MARCHF1: variants seen among roughly 807,000 people sequenced by gnomAD.
MARCHF1 encodes membrane associated ring-CH-type finger 1, also known as E3 ubiquitin-protein ligase MARCHF1.
Under a neutral mutation model 54.2 loss-of-function variants are expected in MARCHF1, and 40 were observed. That is an observed-to-expected ratio of 0.74 (90% CI 0.57 to 0.96). The LOEUF (loss-of-function observed/expected upper bound fraction) is 0.96. MARCHF1 is among the 40% of genes least tolerant of loss of function. MARCHF1 has a pLI of 0.00. For missense variants in MARCHF1, 586 were observed against 656.5 expected, an observed-to-expected ratio of 0.89 and a Z score of 1.17; for synonymous variants, 236 against 236.3, an observed-to-expected ratio of 1.00 and a Z score of 0.01.
intron 2 of MARCHF1, among the ~76,000 whole-genome samples, chr4:164,110,873 T>C (rs144258543): frequency 9.2e-5 from 14 of 151,936 alleles, no homozygotes; most frequent in Admixed American, 1.3e-4. Context: ...TTGCTTTATA[T>C]TGCGTTTCAG....
chr4:164,141,488 C>G (rs1339771283), intron 1 of MARCHF1, among the ~76,000 whole-genome samples: 1 of 152,216 alleles, frequency 6.6e-6, no homozygotes, highest in Non-Finnish European at 1.5e-5. Flanking sequence ...CATACCAAAT[C>G]AGGCTCCTAG....
chr4:163,997,936 AC>A (rs200348951), intron 2 of MARCHF1, among the ~76,000 whole-genome samples: 197 of 145,650 alleles, frequency 1.4e-3, no homozygotes, highest in Non-Finnish European at 2.1e-3. Flanking sequence ...ACACACACAC[AC>A]ACACACACAC....
chr4:163,543,423 T>C (rs769662810), intron 9 of MARCHF1, among the ~76,000 whole-genome samples: 10 of 151,268 alleles, frequency 6.6e-5, no homozygotes, highest in Non-Finnish European at 1.2e-4. Context: ...TACTAGATGT[T>C]AGTGGTGCCG....
intron 2 of MARCHF1, among the ~76,000 whole-genome samples, chr4:164,069,721 A>C (rs773099456): frequency 1.3e-4 from 20 of 152,200 alleles, no homozygotes; most frequent in Non-Finnish European, 2.2e-4. Flanking sequence ...TCTTGAAGTC[A>C]GTGAGACCAA....
At chr4:164,280,037 AT>A (rs1489195353) in intron 1 of MARCHF1, among the ~76,000 whole-genome samples, 1 of 151,780 alleles carries the variant, frequency 6.6e-6, no homozygotes, top group African/African-American at 2.4e-5. Flanking sequence ...AGAATTATAT[AT>A]TTTTTTCAAT....
intron 2 of MARCHF1, among the ~76,000 whole-genome samples, chr4:164,095,645 G>C (rs1164029211): frequency 1.3e-5 from 2 of 151,960 alleles, no homozygotes; most frequent in Non-Finnish European, 1.5e-5. Context: ...ATCTGTTACT[G>C]TAAAAAAGTA....
At chr4:164,252,365 G>A (rs1399763304) in intron 1 of MARCHF1, among the ~76,000 whole-genome samples, 1 of 151,768 alleles carries the variant, frequency 6.6e-6, no homozygotes, top group African/African-American at 2.4e-5. Flanking sequence ...AAAGCAAAAA[G>A]CAGAAAGAAA....
intron 5 of MARCHF1, among the ~76,000 whole-genome samples, chr4:163,679,757 C>A (rs1001934104): frequency 6.6e-6 from 1 of 151,904 alleles, no homozygotes; most frequent in Non-Finnish European, 1.5e-5. Context: ...GGACTACGGG[C>A]GCCCACCACC....
chr4:163,657,014 C>T (rs567861598), intron 5 of MARCHF1, among the ~76,000 whole-genome samples: 188 of 152,208 alleles, frequency 1.2e-3, no homozygotes, highest in African/African-American at 4.4e-3. Flanking sequence ...GATGCCCTCT[C>T]TCACCACTTC....
intron 4 of MARCHF1, among the ~76,000 whole-genome samples, chr4:163,776,117 T>C (rs1187629807): frequency 6.6e-6 from 1 of 152,164 alleles, no homozygotes; most frequent in Non-Finnish European, 1.5e-5. Context: ...TCAGACACTT[T>C]TCTGAACCCT....
At chr4:163,714,309 T>A (rs1034595208) in intron 4 of MARCHF1, among the ~76,000 whole-genome samples, 1 of 152,244 alleles carries the variant, frequency 6.6e-6, no homozygotes, top group African/African-American at 2.4e-5. Context: ...GTGTGTGCTA[T>A]ATAAATTGCT....
intron 2 of MARCHF1, among the ~76,000 whole-genome samples, chr4:164,051,653 T>A (rs868663625): frequency 4.6e-5 from 7 of 152,312 alleles, no homozygotes; most frequent in South Asian, 4.1e-4. Context: ...AGAAGGTAGG[T>A]AACTTTTCCA....
chr4:164,215,815 G>A (rs574450385), intron 1 of MARCHF1, among the ~76,000 whole-genome samples: 4 of 152,186 alleles, frequency 2.6e-5, no homozygotes, highest in Non-Finnish European at 5.9e-5. Context: ...CCAGTGATGA[G>A]TTGTGAAGGT....
At chr4:163,570,191 T>C (rs1278659003) in intron 8 of MARCHF1, among the ~76,000 whole-genome samples, 1 of 152,014 alleles carries the variant, frequency 6.6e-6, no homozygotes, top group Non-Finnish European at 1.5e-5. Context: ...GCCTGAGAAA[T>C]AGTGAGAAAT....
At chr4:163,951,803 G>T (rs1027153138) in intron 3 of MARCHF1, among the ~76,000 whole-genome samples, 5 of 152,120 alleles carry the variant, frequency 3.3e-5, no homozygotes, top group Admixed American at 3.3e-4. Context: ...CCTGGTTATA[G>T]CTTCTCAAAT....
At chr4:163,949,079 C>T (rs1752078973) in intron 3 of MARCHF1, among the ~76,000 whole-genome samples, 1 of 152,228 alleles carries the variant, frequency 6.6e-6, no homozygotes, top group Admixed American at 6.5e-5. Context: ...CCCACTTGGC[C>T]TGGCAGTCTG....
chr4:163,952,620 C>A (rs1462093750), intron 3 of MARCHF1, among the ~76,000 whole-genome samples: 2 of 152,148 alleles, frequency 1.3e-5, no homozygotes, highest in East Asian at 1.9e-4. Context: ...TACGATCCAG[C>A]CCAAATACTG....
At chr4:163,912,959 G>C (rs538822996) in intron 3 of MARCHF1, among the ~76,000 whole-genome samples, 2 of 152,264 alleles carry the variant, frequency 1.3e-5, no homozygotes, top group Admixed American at 1.3e-4. Flanking sequence ...ACATGTCACA[G>C]AAAGGCTCTT....
intron 4 of MARCHF1, among the ~76,000 whole-genome samples, chr4:163,837,845 C>A (rs1042546694): frequency 2.0e-5 from 3 of 151,994 alleles, no homozygotes; most frequent in African/African-American, 7.2e-5. Flanking sequence ...CTAATAACCG[C>A]AAAATGCATA....
Sources: allele counts gnomAD v4.1 joint callset (sites outside exome capture counted in the v4.1 genomes callset), GRCh38; gene constraint gnomAD v4.1.1; transcripts MANE v1.5; gene names NCBI Gene and HGNC (gene_info 2026-07-23, HGNC 2026-07-21).